CACNG2: variants seen among roughly 807,000 people sequenced by gnomAD.
The protein encoded by CACNG2 is calcium voltage-gated channel auxiliary subunit gamma 2, also known as voltage-dependent calcium channel gamma-2 subunit.
Under a neutral mutation model 25.9 loss-of-function variants are expected in CACNG2, and 3 were observed. That is an observed-to-expected ratio of 0.12 (90% confidence interval 0.05 to 0.30). The LOEUF (loss-of-function observed/expected upper bound fraction) is 0.30. Ranked by LOEUF, CACNG2 falls within the 10% of genes least tolerant of loss-of-function variation. CACNG2 has a pLI of 1.00. For synonymous variants in CACNG2, 167 were observed against 173.3 expected (o/e 0.96, Z 0.29); for missense variants, 341 against 432.5 (o/e 0.79, Z 1.88).
chr22:36,650,628 T>C (rs1936596992), intron 1 of CACNG2, among the ~76,000 whole-genome samples: 1 of 152,152 alleles, frequency 6.6e-6, no homozygotes, highest in African/African-American at 2.4e-5. Flanking sequence ...CCTCCCACCC[T>C]GGCCTCCCAA....
chr22:36,599,794 T>C (rs143753880), intron 1 of CACNG2, among the ~76,000 whole-genome samples: 2 of 152,324 alleles, frequency 1.3e-5, no homozygotes, highest in Middle Eastern at 3.4e-3. Flanking sequence ...TCGTAATGAG[T>C]GCATAGGCAC....
intron 1 of CACNG2, among the ~76,000 whole-genome samples, chr22:36,600,938 A>G (rs770802830): frequency 3.3e-5 from 5 of 152,214 alleles, no homozygotes; most frequent in Admixed American, 6.5e-5. Flanking sequence ...AATGGTTGCT[A>G]TAGTGGAAAA....
chr22:36,661,415 G>T (rs1384309646), intron 1 of CACNG2, among the ~76,000 whole-genome samples: 2 of 152,168 alleles, frequency 1.3e-5, no homozygotes, highest in Non-Finnish European at 2.9e-5. Context: ...AGTGACATGG[G>T]ACAAATCATC....
At chr22:36,574,325 G>A (rs1724163411) in intron 2 of CACNG2, among the ~76,000 whole-genome samples, 1 of 152,192 alleles carries the variant, frequency 6.6e-6, no homozygotes, top group Non-Finnish European at 1.5e-5. Context: ...AGAGGCAGAT[G>A]TGTCTGAGAG....
At chr22:36,696,848 T>A (rs977602393) in intron 1 of CACNG2, among the ~76,000 whole-genome samples, 2 of 152,124 alleles carry the variant, frequency 1.3e-5, no homozygotes, top group African/African-American at 2.4e-5. Context: ...AGGAGGAGAT[T>A]ATGCCTCCTT....
chr22:36,580,570 C>A (rs541295056), intron 2 of CACNG2, among the ~76,000 whole-genome samples: 1 of 152,120 alleles, frequency 6.6e-6, no homozygotes, highest in Non-Finnish European at 1.5e-5. Flanking sequence ...GTGTCACACC[C>A]CCTGGAGGGA....
rs760421640 is a variant in CACNG2 at position 36,702,493 on chromosome 22, C to T, written c.84G>A (p.Val28=). The T allele has an allele frequency of 6.2e-7, 1 of 1,614,106 alleles. No homozygotes were observed. The highest frequency in any genetic ancestry group is 8.5e-7 in the Non-Finnish European group (1 of 1,180,006). ...FAAFSLMTIA[V]GTDYWLYSRG... Reference sequence around the variant, plus strand: ...TGGAGTAGAGCCAATAGTCGGTTCCCACAGCTATGGTCATCAGGCTGAAGG... The same window carrying T: ...TGGAGTAGAGCCAATAGTCGGTTCCTACAGCTATGGTCATCAGGCTGAAGG... Residue 28 remains valine, a synonymous_variant, in exon 1 of 4, where the codon GTG becomes GTA. Transcript: ENST00000300105.
At chr22:36,618,795 C>CTA (rs1467744480) in intron 1 of CACNG2, among the ~76,000 whole-genome samples, 5 of 152,112 alleles carry the variant, frequency 3.3e-5, no homozygotes. Context: ...TGGTGTGTGC[C>CTA]TATAGTCCCA....
chr22:36,638,735 C>G (rs1239458293), intron 1 of CACNG2, among the ~76,000 whole-genome samples: 1 of 152,100 alleles, frequency 6.6e-6, no homozygotes, highest in Non-Finnish European at 1.5e-5. Flanking sequence ...ATTTTATGCG[C>G]TCTTGAAGGT....
chr22:36,589,017 G>A (rs2145923236), intron 1 of CACNG2, among the ~76,000 whole-genome samples: 1 of 141,510 alleles, frequency 7.1e-6, no homozygotes, highest in African/African-American at 2.7e-5. Flanking sequence ...CTGAAATGGA[G>A]TCTCACTCTG....
Position 36,687,155 on chromosome 22 carries a change from G to A in CACNG2, c.211+15211C>T, listed in dbSNP as rs577547234. 3.3e-5 allele frequency among the ~76,000 whole-genome samples: 5 copies of A among 152,316 alleles called. No individual in the cohort carries two copies. The East Asian group carries it at 9.6e-4, about 29-fold the overall frequency. On this transcript the variant is annotated intron_variant, in intron 1 of 3. Transcript: ENST00000300105. ...AGCCCTACTTGACTGTGAGGTTGAA[G>A]GACCCACTGTGGGGATGATGGAGTG...
chr22:36,582,045 A>G (rs1603500755), intron 2 of CACNG2, among the ~76,000 whole-genome samples: 2 of 152,208 alleles, frequency 1.3e-5, no homozygotes, highest in Non-Finnish European at 2.9e-5. Context: ...AATATTTTCA[A>G]CATTGATCCT....
intron 2 of CACNG2, among the ~76,000 whole-genome samples, chr22:36,575,051 C>T (rs1265375166): frequency 6.6e-6 from 1 of 152,202 alleles, no homozygotes; most frequent in Non-Finnish European, 1.5e-5. Context: ...TAGTGACCAT[C>T]TCAAGAAGAC....
intron 1 of CACNG2, among the ~76,000 whole-genome samples, chr22:36,594,434 A>G (rs751554302): frequency 6.6e-6 from 1 of 152,280 alleles, no homozygotes; most frequent in African/African-American, 2.4e-5. Context: ...ACAGAGGGGG[A>G]AAAATATACT....
At chr22:36,566,527 C>A (rs1431350565) in intron 2 of CACNG2, 34 bp from the exon 3 acceptor site, 1 of 1,612,956 alleles carries the variant, frequency 6.2e-7, no homozygotes, top group Admixed American at 1.7e-5. Flanking sequence ...AGAAAGAGAA[C>A]GGCATGGCTG....
At chr22:36,673,534 C>A (rs964927232) in intron 1 of CACNG2, among the ~76,000 whole-genome samples, 1 of 152,092 alleles carries the variant, frequency 6.6e-6, no homozygotes, top group African/African-American at 2.4e-5. Flanking sequence ...CATGGAGGGG[C>A]TACTTCAGTG....
intron 1 of CACNG2, among the ~76,000 whole-genome samples, chr22:36,669,417 A>G (rs932998704): frequency 6.8e-6 from 1 of 146,228 alleles, no homozygotes; most frequent in African/African-American, 2.5e-5. Flanking sequence ...CTGAGGCAGG[A>G]GAATTGCTTG....
At chr22:36,579,404 C>CAAAAAAA (rs34224180) in intron 2 of CACNG2, among the ~76,000 whole-genome samples, 4 of 47,170 alleles carry the variant, frequency 8.5e-5, no homozygotes, top group Middle Eastern at 0.019. Context: ...AACTCTGTCT[C>CAAAAAAA]AAAAAAAAAA....
chr22:36,650,796 A>G (rs943755534), intron 1 of CACNG2, among the ~76,000 whole-genome samples: 7 of 152,198 alleles, frequency 4.6e-5, no homozygotes, highest in Admixed American at 3.9e-4. Flanking sequence ...CTGGGATTTT[A>G]GGCATGAGCC....
Sources: allele counts gnomAD v4.1 joint callset (sites outside exome capture counted in the v4.1 genomes callset), GRCh38; gene constraint gnomAD v4.1.1; transcripts MANE v1.5; gene names NCBI Gene and HGNC (gene_info 2026-07-23, HGNC 2026-07-21).